CFAP221: variants seen among roughly 807,000 people sequenced by gnomAD.
CFAP221 encodes cilia- and flagella-associated protein 221.
In CFAP221, 97 loss-of-function variants were observed where a neutral mutation model predicts 113.1. The ratio of observed to expected loss-of-function variants is 0.86; its 90% CI spans 0.73 to 1.02. The LOEUF is 1.02. Among genes scored for constraint, CFAP221 ranks in the 50% least tolerant of loss-of-function variants. The probability of loss-of-function intolerance (pLI) is 0.00; values close to 1 mark genes in which losing one functional copy is unlikely to be tolerated. For synonymous variants in CFAP221, 331 were observed against 354.4 expected, an observed-to-expected ratio of 0.93 and a Z score of 0.74; for missense variants, 1,025 against 1,013.4, an observed-to-expected ratio of 1.01 and a Z score of -0.16.
At chr2:119,567,722 A>G (rs867440092) in intron 6 of CFAP221, among the ~76,000 whole-genome samples, 10 of 152,358 alleles carry the variant, frequency 6.6e-5, no homozygotes, top group Non-Finnish European at 7.3e-5. Flanking sequence ...GTCTACAGTG[A>G]TCTACTCTGA....
chr2:119,555,435 A>G (rs1680724625), intron 3 of CFAP221, among the ~76,000 whole-genome samples: 2 of 151,788 alleles, frequency 1.3e-5, no homozygotes, highest in South Asian at 4.2e-4. Flanking sequence ...TTTCAAATAA[A>G]CTCTTCATAT....
intron 6 of CFAP221, among the ~76,000 whole-genome samples, chr2:119,571,133 C>CTTTTTTTTTTTTTTTTTT (rs34017847): frequency 1.1e-5 from 1 of 93,132 alleles, no homozygotes; most frequent in Non-Finnish European, 2.0e-5. Flanking sequence ...TAACAACCCC[C>CTTTTTTTTTTTTTTTTTT]TTTTTTTTTT....
chr2:119,609,065 T>C (rs1239863530), intron 12 of CFAP221, among the ~76,000 whole-genome samples: 2 of 152,012 alleles, frequency 1.3e-5, no homozygotes, highest in Non-Finnish European at 2.9e-5. Context: ...AAAGGGAAAG[T>C]GGGCTGAGGG....
chr2:119,563,081 G>C (rs1446383854), intron 6 of CFAP221, among the ~76,000 whole-genome samples: 7 of 152,208 alleles, frequency 4.6e-5, no homozygotes, highest in Non-Finnish European at 1.0e-4. Flanking sequence ...TAGAGCCGAG[G>C]AGTTTGAGGC....
chr2:119,656,715 CAT>C (rs1688456184), downstream of CFAP221: 1 of 294,796 alleles, frequency 3.4e-6, no homozygotes, highest in Non-Finnish European at 6.4e-6. Flanking sequence ...TTCTGAGCAA[CAT>C]GTGATGAGAG....
intron 6 of CFAP221, among the ~76,000 whole-genome samples, chr2:119,567,274 TTCC>T (rs1186301450): frequency 6.6e-6 from 1 of 152,230 alleles, no homozygotes; most frequent in Non-Finnish European, 1.5e-5. Flanking sequence ...CTTCTATTCA[TTCC>T]TCCTCCAACC....
chr2:119,580,242 A>T (rs1381394512), intron 6 of CFAP221: 1 of 152,194 alleles, frequency 6.6e-6, no homozygotes, highest in Non-Finnish European at 1.5e-5. Flanking sequence ...CTGATTTAAG[A>T]CAGGATTTGT....
chr2:119,588,978 A>C (rs1017094971), intron 7 of CFAP221, among the ~76,000 whole-genome samples: 2 of 152,130 alleles, frequency 1.3e-5, no homozygotes, highest in Non-Finnish European at 2.9e-5. Context: ...AAGGAAGAAA[A>C]TCAGGAAAGT....
Position 119,652,051 on chromosome 2 carries a change from A to G in CFAP221, c.2396A>G (p.Lys799Arg), listed in dbSNP as rs1432861122. 1 of 1,611,762 alleles carries G rather than the reference A, an allele frequency of 6.2e-7. No individual in the cohort carries two copies. Among genetic ancestry groups the G allele is most frequent in the African/African-American group, 1.3e-5 (1 of 74,862 alleles). Residue 799 changes from lysine (K) to arginine (R), a missense_variant, in exon 23 of 24, where the codon AAG (lysine) becomes AGG (arginine). Transcript: ENST00000413369. ...IKVEFPMLNY[K>R]DIRKEKEVKD... Reference sequence around the variant, plus strand: ...GTGGAATTCCCTATGTTGAACTACAAGGACATCAGGAAGGAGAAGTAAGTG... The same window carrying G: ...GTGGAATTCCCTATGTTGAACTACAGGGACATCAGGAAGGAGAAGTAAGTG...
chr2:119,595,797 C>G (rs1046106470), intron 7 of CFAP221, among the ~76,000 whole-genome samples: 2 of 152,048 alleles, frequency 1.3e-5, no homozygotes, highest in African/African-American at 2.4e-5. Context: ...CTGCTCTCAA[C>G]TTGGTGGTCG....
intron 14 of CFAP221, among the ~76,000 whole-genome samples, chr2:119,618,553 G>A (rs548344856): frequency 5.6e-4 from 85 of 152,306 alleles, no homozygotes; most frequent in Middle Eastern, 6.8e-3. Flanking sequence ...GTGCACTCCA[G>A]CCCAGATACT....
chr2:119,568,986 G>A (rs758079807), intron 6 of CFAP221, among the ~76,000 whole-genome samples: 24 of 152,002 alleles, frequency 1.6e-4, no homozygotes, highest in East Asian at 9.7e-4. Flanking sequence ...ATTCTGAGTC[G>A]GTGGTTTTTT....
chr2:119,605,180 G>A lies in CFAP221; in HGVS notation c.1025-1G>A, dbSNP rs1205704119. 2.9e-5 allele frequency: 46 copies of A among 1,613,168 alleles called. No individual in the cohort carries two copies. Among genetic ancestry groups the A allele is most frequent in the Non-Finnish European group, 3.9e-5 (46 of 1,179,176 alleles). ...TAAACATTGTCTGCTCCTGCCTTCA[G>A]TTTTGGACCAGGGCACTGAAATTTC... On this transcript the variant is annotated splice_acceptor_variant, in intron 10 of 23. Transcript: ENST00000413369. LOFTEE classifies it high-confidence loss of function.
chr2:119,546,938 G>A (rs904440170), intron 2 of CFAP221, among the ~76,000 whole-genome samples: 1 of 152,162 alleles, frequency 6.6e-6, no homozygotes, highest in Admixed American at 6.5e-5. Flanking sequence ...CATGAGGTAG[G>A]ATCTATTTAC....
At chr2:119,565,917 G>C (rs1253582152) in intron 6 of CFAP221, among the ~76,000 whole-genome samples, 1 of 152,192 alleles carries the variant, frequency 6.6e-6, no homozygotes, top group East Asian at 1.9e-4. Context: ...TGGGTGGGCT[G>C]TTTATTCAGT....
intron 3 of CFAP221, among the ~76,000 whole-genome samples, chr2:119,552,290 T>G (rs1573978504): frequency 6.8e-6 from 1 of 148,102 alleles, no homozygotes; most frequent in South Asian, 2.1e-4. Context: ...TATTTCATAA[T>G]AAATAGAAAT....
rs1685472957 is a variant in CFAP221, at chr2:119,615,677, G to A, written c.1378G>A (p.Ala460Thr). The change falls in exon 14 of 24, where the codon GCA becomes ACA. Residue 460 changes from alanine to threonine, a missense_variant. By Grantham distance (58) the Ala-to-Thr change is moderately conservative. Coordinates refer to ENST00000413369, the MANE Select transcript of CFAP221 (RefSeq NM_001271049.2). Reference sequence around the variant, plus strand: ...TAACACTTGGCTCAGCAGGTCCAGGGCACAAAAACGGTTTCAACAAGTAGC... The same window carrying A: ...TAACACTTGGCTCAGCAGGTCCAGGACACAAAAACGGTTTCAACAAGTAGC... Reference protein sequence around the residue: ...INNTWLSRSRAQKRFQQVARK... With the variant: ...INNTWLSRSRTQKRFQQVARK... 3 of 1,612,762 alleles carry A rather than the reference G, an allele frequency of 1.9e-6. No individual in the cohort carries two copies. The highest frequency in any genetic ancestry group is 2.2e-5 in the East Asian group (1 of 44,838).
rs1687371216 is a variant in CFAP221, at chr2:119,639,823, C to A, written c.2176C>A (p.Leu726Met). The A allele has an allele frequency of 1.9e-6, 3 of 1,614,150 alleles. No individual in the cohort carries two copies. The highest frequency in any genetic ancestry group is 2.5e-6 in the Non-Finnish European group (3 of 1,180,028). ...GIMHWKSFQS[L>M]VLSSLPDPSK... ...AATGCACTGGAAAAGCTTCCAGTCC[C>A]TGGTTCTCTCCTCCCTGCCGGACCC... The change falls in exon 21 of 24, where the codon CTG becomes ATG. Residue 726 changes from leucine to methionine, a missense_variant. Coordinates refer to ENST00000413369, the MANE Select transcript of CFAP221 (RefSeq NM_001271049.2).
At chr2:119,632,321 A>G (rs1291342911) in intron 19 of CFAP221, among the ~76,000 whole-genome samples, 1 of 152,342 alleles carries the variant, frequency 6.6e-6, no homozygotes, top group African/African-American at 2.4e-5. Context: ...ATAACCAAAT[A>G]GGGGCTTGAA....
Sources: allele counts gnomAD v4.1 joint callset (sites outside exome capture counted in the v4.1 genomes callset), GRCh38; gene constraint gnomAD v4.1.1; transcripts MANE v1.5; gene names NCBI Gene and HGNC (gene_info 2026-07-23, HGNC 2026-07-21).